The following STAB2 variants were observed in gnomAD, a reference collection of about 807,000 sequenced individuals.
The protein encoded by STAB2 is stabilin-2.
A neutral mutation model predicts 338.1 loss-of-function variants in STAB2; 288 were observed. The observed-to-expected ratio is 0.85, with a 90% confidence interval of 0.77 to 0.94. STAB2 has a LOEUF of 0.94. Among genes scored for constraint, STAB2 ranks in the 40% least tolerant of loss-of-function variants. STAB2 has a pLI of 0.00. For synonymous variants in STAB2, 1,202 were observed against 1,193.3 expected (o/e 1.01, Z -0.15); for missense variants, 3,141 against 3,210.1 (o/e 0.98, Z 0.52).
At chr12:103,594,548 T>A in intron 3 of STAB2, 38 bp downstream of exon 3, 1 of 1,476,506 alleles carries the variant, frequency 6.8e-7, no homozygotes, top group Admixed American at 1.7e-5. Context: ...GACTTGCTTC[T>A]TGGTATCTCA....
chr12:103,611,227 A>T (rs573314318), intron 3 of STAB2, among the ~76,000 whole-genome samples: 7 of 152,260 alleles, frequency 4.6e-5, no homozygotes, highest in African/African-American at 1.7e-4. Context: ...AGCTGAGTTC[A>T]ATTCCTGGAT....
intron 10 of STAB2, among the ~76,000 whole-genome samples, chr12:103,650,080 T>C (rs1441100454): frequency 6.6e-6 from 1 of 152,158 alleles, no homozygotes; most frequent in East Asian, 1.9e-4. Context: ...ACATGGCAAC[T>C]GCAGAGCATT....
chr12:103,764,195 C>T lies in STAB2; in HGVS notation c.7605+587C>T, dbSNP rs147843241. Among the ~76,000 whole-genome samples, 661 of 152,182 alleles carry T rather than the reference C, an allele frequency of 4.3e-3. 8 individuals are homozygous for T. The highest frequency in any genetic ancestry group is 0.015 in the African/African-American group (611 of 41,506). On this transcript the variant is annotated intron_variant, in intron 68 of 68. Coordinates refer to ENST00000388887, the MANE Select transcript of STAB2 (RefSeq NM_017564.10). ...CTCGAACTCCCAACCTCAGGTGATACGCCCACCTCGGCCTCCCAAAGTGCT... is the reference window on the plus strand; with the variant it reads ...CTCGAACTCCCAACCTCAGGTGATATGCCCACCTCGGCCTCCCAAAGTGCT...
chr12:103,657,397 G>C (rs925354676), intron 15 of STAB2, among the ~76,000 whole-genome samples: 1 of 152,034 alleles, frequency 6.6e-6, no homozygotes, highest in Non-Finnish European at 1.5e-5. Context: ...CTTTTAACTA[G>C]AATAGGAAAA....
At chr12:103,676,061 T>A in intron 24 of STAB2, 40 bp downstream of exon 24, 48 of 986,636 alleles carry the variant, frequency 4.9e-5, no homozygotes, top group African/African-American at 7.1e-5. Flanking sequence ...CTGGTTTCTT[T>A]TTTTTTTTTT....
At chr12:103,701,216 G>A (rs1283530753) in intron 34 of STAB2, among the ~76,000 whole-genome samples, 2 of 151,330 alleles carry the variant, frequency 1.3e-5, no homozygotes, top group Non-Finnish European at 2.9e-5. Context: ...GTATTCCATG[G>A]TGTATATGTG....
intron 37 of STAB2, 152 bp from the exon 38 acceptor site, chr12:103,706,640 C>T (rs772461451): frequency 1.0e-6 from 1 of 967,900 alleles, no homozygotes. Context: ...CTCACCCAGT[C>T]CCCAGAGGGT....
intron 6 of STAB2, among the ~76,000 whole-genome samples, chr12:103,634,062 G>A (rs971647132): frequency 1.1e-4 from 17 of 152,198 alleles, no homozygotes; most frequent in Non-Finnish European, 4.4e-5. Flanking sequence ...AAAACAACTT[G>A]AATTCCCACC....
At chr12:103,654,045 CAGAT>C (rs1262106015) in intron 12 of STAB2, among the ~76,000 whole-genome samples, 1 of 152,094 alleles carries the variant, frequency 6.6e-6, no homozygotes, top group Non-Finnish European at 1.5e-5. Context: ...GGATGAATGA[CAGAT>C]AGGAAGATGT....
chr12:103,759,380 C>G (rs958036100), intron 65 of STAB2, 107 bp downstream of exon 65: 6 of 1,455,852 alleles, frequency 4.1e-6, no homozygotes, highest in Non-Finnish European at 5.5e-6. Flanking sequence ...AACATAAACT[C>G]TAAACCTGCA....
chr12:103,723,928 A>C (rs926021671), intron 44 of STAB2, among the ~76,000 whole-genome samples: 1 of 146,832 alleles, frequency 6.8e-6, no homozygotes, highest in Non-Finnish European at 1.5e-5. Context: ...CCAGAGAGAG[A>C]GGGATGCTTG....
At chr12:103,743,030 T>TC (rs939561399) in intron 56 of STAB2, among the ~76,000 whole-genome samples, 2 of 150,506 alleles carry the variant, frequency 1.3e-5, no homozygotes, top group Non-Finnish European at 3.0e-5. Context: ...TTTCTTTTTT[T>TC]TTTTTTTTTG....
chr12:103,678,522 AG>A (rs1876596388), intron 25 of STAB2, among the ~76,000 whole-genome samples: 1 of 152,046 alleles, frequency 6.6e-6, no homozygotes, highest in Admixed American at 6.5e-5. Context: ...AGACAAATGG[AG>A]ATCTGCCCTA....
chr12:103,737,616 T>A lies in STAB2; in HGVS notation c.5551-18T>A. 6.7e-7 allele frequency: 1 copy of A among 1,498,468 alleles called. No individual in the cohort carries two copies. The allele number at this position is 1,498,468 out of a possible 1,614,324, so 92.8% of individuals were successfully genotyped here. A position where few individuals can be genotyped will look rare whatever the true frequency, so the allele number is the denominator to read the frequency against. ...TCTCTCTCTCTTTCTCTTTTTTTTT[T>A]TTTTTTTTCTTTCTTAGGGTGACCT... is the stretch of plus-strand genomic sequence containing the variant. On this transcript the variant is annotated intron_variant, in intron 52 of 68. Coordinates refer to ENST00000388887, the MANE Select transcript of STAB2 (RefSeq NM_017564.10).
chr12:103,748,615 C>CACACACAT (rs1883288852), intron 58 of STAB2, among the ~76,000 whole-genome samples: 1 of 33,062 alleles, frequency 3.0e-5, no homozygotes, highest in South Asian at 8.0e-4. Flanking sequence ...TACACACACA[C>CACACACAT]ACACACACAC....
At chr12:103,678,804 T>C (rs1424732079) in intron 25 of STAB2, among the ~76,000 whole-genome samples, 1 of 151,704 alleles carries the variant, frequency 6.6e-6, no homozygotes, top group Non-Finnish European at 1.5e-5. Context: ...AGTGCTGGGA[T>C]TACAGGTGTA....
intron 3 of STAB2, among the ~76,000 whole-genome samples, chr12:103,613,414 C>T (rs963567604): frequency 5.3e-5 from 8 of 152,132 alleles, no homozygotes; most frequent in Non-Finnish European, 7.3e-5. Flanking sequence ...GCCTCGCTGC[C>T]GCCTTGCAGT....
intron 3 of STAB2, 139 bp downstream of exon 3, chr12:103,594,649 A>G (rs1239494794): frequency 3.0e-6 from 2 of 676,132 alleles, no homozygotes; most frequent in African/African-American, 3.6e-5. Context: ...TATATGTAGA[A>G]AATCTTTCTT....
At chr12:103,700,089 TCTA>T (rs1878731561) in intron 34 of STAB2, among the ~76,000 whole-genome samples, 1 of 152,242 alleles carries the variant, frequency 6.6e-6, no homozygotes, top group Admixed American at 6.5e-5. Context: ...ACACTGGTAT[TCTA>T]GTGTTCATCT....
Sources: gnomAD v4.1 joint callset for allele counts (sites outside exome capture counted in the v4.1 genomes callset) on GRCh38, gnomAD v4.1.1 for gene constraint, MANE v1.5 for transcripts, NCBI Gene and HGNC (gene_info 2026-07-23, HGNC 2026-07-21) for gene names.